Variants in SNX29 observed in about 807,000 individuals in gnomAD.
The protein encoded by SNX29 is sorting nexin-29.
In SNX29, 78 loss-of-function variants were observed where a neutral mutation model predicts 102.1. That is an observed-to-expected ratio of 0.76 (90% confidence interval 0.64 to 0.92). The LOEUF (loss-of-function observed/expected upper bound fraction) is 0.92. Among genes scored for constraint, SNX29 ranks in the 40% least tolerant of loss-of-function variants. SNX29 has a pLI of 0.00. For missense variants in SNX29, 1,280 were observed against 1,061.7 expected, an observed-to-expected ratio of 1.21 and a Z score of -2.86; for synonymous variants, 580 against 414.5, an observed-to-expected ratio of 1.40 and a Z score of -4.85.
At chr16:12,209,134 C>T (rs778516326) in intron 14 of SNX29, among the ~76,000 whole-genome samples, 1 of 152,166 alleles carries the variant, frequency 6.6e-6, no homozygotes, top group Non-Finnish European at 1.5e-5. Context: ...TGTTTACTGA[C>T]AAATGGGGCA....
rs190554166 is a variant in SNX29, at chr16:12,308,868, C to A, written c.1782+30832C>A. On this transcript the variant is annotated intron_variant, in intron 15 of 20. Coordinates refer to ENST00000566228, the MANE Select transcript of SNX29 (RefSeq NM_032167.5). The stretch of plus-strand genomic sequence containing the variant: ...TGCAAGTGTGATTATGTAAGCTGTC[C>A]GTTATATCGAAAAGTGCTAGAAGAC... 8.5e-4 allele frequency among the ~76,000 whole-genome samples: 129 copies of A among 152,168 alleles called. 1 individual carries two copies. Among genetic ancestry groups the A allele is most frequent in the Non-Finnish European group, 1.5e-3 (104 of 68,010 alleles).
chr16:12,458,835 A>G (rs2151744638), intron 18 of SNX29, among the ~76,000 whole-genome samples: 1 of 152,320 alleles, frequency 6.6e-6, no homozygotes, highest in South Asian at 2.1e-4. Context: ...GAGCACTCAC[A>G]CAGGAGAAAA....
At chr16:12,397,035 G>A (rs1345682297) in intron 16 of SNX29, among the ~76,000 whole-genome samples, 2 of 152,206 alleles carry the variant, frequency 1.3e-5, no homozygotes, top group Non-Finnish European at 2.9e-5. Flanking sequence ...ACAGGCTTCT[G>A]CCGCCATGCC....
intron 19 of SNX29, among the ~76,000 whole-genome samples, chr16:12,494,121 G>C (rs909335493): frequency 1.3e-5 from 2 of 152,118 alleles, no homozygotes; most frequent in African/African-American, 4.8e-5. Context: ...GCTCAGGTGG[G>C]AAGATCCCTT....
At chr16:12,175,693 G>A (rs527672327) in intron 13 of SNX29, among the ~76,000 whole-genome samples, 4 of 151,506 alleles carry the variant, frequency 2.6e-5, no homozygotes, top group African/African-American at 4.8e-5. Flanking sequence ...CGATAGGACC[G>A]ATACCCTTAT....
chr16:12,067,400 A>G (rs1202387969), intron 9 of SNX29, among the ~76,000 whole-genome samples: 1 of 152,142 alleles, frequency 6.6e-6, no homozygotes, highest in Non-Finnish European at 1.5e-5. Flanking sequence ...TGGATGAGGA[A>G]GGCACCGAGG....
intron 16 of SNX29, among the ~76,000 whole-genome samples, chr16:12,373,223 T>C (rs2082748696): frequency 6.6e-6 from 1 of 152,200 alleles, no homozygotes; most frequent in Non-Finnish European, 1.5e-5. Context: ...GCCTCCGACT[T>C]GTGGGCTCAA....
chr16:12,362,457 G>A (rs973967723), intron 16 of SNX29, among the ~76,000 whole-genome samples: 2 of 151,798 alleles, frequency 1.3e-5, no homozygotes, highest in African/African-American at 2.4e-5. Context: ...CAGAGGTCAC[G>A]ATGTAGTTCC....
intron 16 of SNX29, among the ~76,000 whole-genome samples, chr16:12,392,870 G>A (rs1367918760): frequency 6.6e-6 from 1 of 152,224 alleles, no homozygotes; most frequent in Non-Finnish European, 1.5e-5. Flanking sequence ...GGGGGGCTTT[G>A]TCCTGAAGGC....
chr16:12,544,874 C>G (rs2077515853), intron 20 of SNX29, among the ~76,000 whole-genome samples: 1 of 152,192 alleles, frequency 6.6e-6, no homozygotes, highest in Non-Finnish European at 1.5e-5. Flanking sequence ...TCAACACAGC[C>G]CCTGGCCTGT....
At chr16:12,309,685 T>C (rs2080465976) in intron 15 of SNX29, among the ~76,000 whole-genome samples, 1 of 152,156 alleles carries the variant, frequency 6.6e-6, no homozygotes, top group South Asian at 2.1e-4. Context: ...GGGAGGTGGG[T>C]TCTCACTCGT....
chr16:12,497,359 A>G (rs1346675821), intron 19 of SNX29, among the ~76,000 whole-genome samples: 4 of 152,230 alleles, frequency 2.6e-5, no homozygotes, highest in African/African-American at 7.2e-5. Context: ...TCCTGCCCTC[A>G]GAGAGTTCAC....
chr16:12,078,117 C>T (rs983987823), intron 10 of SNX29, among the ~76,000 whole-genome samples: 2 of 152,146 alleles, frequency 1.3e-5, no homozygotes, highest in African/African-American at 4.8e-5. Context: ...CCTTCCTGTG[C>T]TTAGGAACTG....
Position 12,437,576 on chromosome 16 carries a change from C to G in SNX29, c.2037+34047C>G, listed in dbSNP as rs559111151. On this transcript the variant is annotated intron_variant, in intron 18 of 20. Transcript: ENST00000566228. ...GCTGGCAGGTAGACAACATCTCTGTCTCCCCGAATTGCTGGTTAGCTGTTC... is the reference window on the plus strand; with the variant it reads ...GCTGGCAGGTAGACAACATCTCTGTGTCCCCGAATTGCTGGTTAGCTGTTC... Among the ~76,000 whole-genome samples, 125 of 152,290 alleles carry G rather than the reference C, an allele frequency of 8.2e-4. 1 individual carries two copies. Among genetic ancestry groups the G allele is most frequent in the African/African-American group, 3.0e-3 (124 of 41,570 alleles).
At chr16:12,029,971 A>G (rs1467494945) in intron 4 of SNX29, among the ~76,000 whole-genome samples, 1 of 152,158 alleles carries the variant, frequency 6.6e-6, no homozygotes, top group African/African-American at 2.4e-5. Context: ...GATCGGGGCC[A>G]TTCAGAATAT....
intron 20 of SNX29, among the ~76,000 whole-genome samples, chr16:12,540,395 A>G (rs1026731794): frequency 6.6e-6 from 1 of 152,206 alleles, no homozygotes; most frequent in Non-Finnish European, 1.5e-5. Context: ...ATTGGCACAA[A>G]GTTAGTGGCT....
intron 20 of SNX29, among the ~76,000 whole-genome samples, chr16:12,562,709 C>G (rs529474787): frequency 6.6e-6 from 1 of 152,328 alleles, no homozygotes; most frequent in Non-Finnish European, 1.5e-5. Context: ...GAGATTGAAG[C>G]CTACCGTGGT....
chr16:12,368,140 T>C (rs1389616939), intron 16 of SNX29, among the ~76,000 whole-genome samples: 1 of 152,212 alleles, frequency 6.6e-6, no homozygotes, highest in Non-Finnish European at 1.5e-5. Flanking sequence ...ATCTTTTACA[T>C]GGCTTGCTCA....
At chr16:12,185,715 A>G (rs1017013479) in intron 13 of SNX29, among the ~76,000 whole-genome samples, 4 of 152,236 alleles carry the variant, frequency 2.6e-5, no homozygotes, top group Non-Finnish European at 4.4e-5. Flanking sequence ...CTTGTGCAAG[A>G]GCCAGATTGA....
Sources: allele counts gnomAD v4.1 joint callset (sites outside exome capture counted in the v4.1 genomes callset), GRCh38; gene constraint gnomAD v4.1.1; transcripts MANE v1.5; gene names NCBI Gene and HGNC (gene_info 2026-07-23, HGNC 2026-07-21).